DLG2: variants seen among roughly 807,000 people sequenced by gnomAD.
The protein encoded by DLG2 is discs large MAGUK scaffold protein 2.
Under a neutral mutation model 132.5 loss-of-function variants are expected in DLG2, and 45 were observed. The observed-to-expected ratio is 0.34, with a 90% CI of 0.27 to 0.44. DLG2 has a LOEUF of 0.44. Among genes scored for constraint, DLG2 ranks in the 20% least tolerant of loss-of-function variants. DLG2 has a pLI of 1.00. For missense variants in DLG2, 1,045 were observed against 1,196.9 expected, an observed-to-expected ratio of 0.87 and a Z score of 1.87; for synonymous variants, 424 against 419.6, an observed-to-expected ratio of 1.01 and a Z score of -0.13.
chr11:84,363,247 T>G (rs1341875573), intron 7 of DLG2, among the ~76,000 whole-genome samples: 3 of 152,094 alleles, frequency 2.0e-5, no homozygotes, highest in Non-Finnish European at 4.4e-5. Context: ...GATTTGCATT[T>G]CTCTGATAGC....
At chr11:83,559,132 A>T (rs1167385337) in intron 19 of DLG2, among the ~76,000 whole-genome samples, 2 of 152,106 alleles carry the variant, frequency 1.3e-5, no homozygotes, top group Non-Finnish European at 2.9e-5. Flanking sequence ...CCAAAGAAAG[A>T]TGAAAATAAA....
chr11:84,456,099 C>T (rs1347929115), intron 7 of DLG2, among the ~76,000 whole-genome samples: 2 of 151,304 alleles, frequency 1.3e-5, no homozygotes, highest in Non-Finnish European at 3.0e-5. Context: ...TGTTGACAAT[C>T]TTATGGTGAC....
chr11:84,548,954 C>T (rs534722474), intron 6 of DLG2, among the ~76,000 whole-genome samples: 1 of 152,124 alleles, frequency 6.6e-6, no homozygotes, highest in Non-Finnish European at 1.5e-5. Context: ...ACATATATTT[C>T]TTTGAGGAAT....
intron 9 of DLG2, among the ~76,000 whole-genome samples, chr11:84,149,396 T>C (rs1374867824): frequency 1.3e-5 from 2 of 152,146 alleles, no homozygotes; most frequent in African/African-American, 2.4e-5. Context: ...ATTTTGTATA[T>C]GATAAAAGGT....
chr11:84,094,982 C>T (rs17146788), intron 10 of DLG2, among the ~76,000 whole-genome samples: 2,761 of 151,856 alleles, frequency 0.018, 70 homozygotes, highest in African/African-American at 0.056. Context: ...ACATTATAAA[C>T]TTGAGAATAG....
At chr11:83,600,208 A>G (rs933862975) in intron 19 of DLG2, among the ~76,000 whole-genome samples, 3 of 151,080 alleles carry the variant, frequency 2.0e-5, no homozygotes, top group Admixed American at 6.6e-5. Flanking sequence ...AAGATGAGGA[A>G]AAGATGAGTT....
chr11:85,514,795 G>T (rs531791659), intron 3 of DLG2, among the ~76,000 whole-genome samples: 3 of 151,950 alleles, frequency 2.0e-5, no homozygotes, highest in Admixed American at 1.3e-4. Flanking sequence ...CTGAGTTTCA[G>T]GAAGGAGTCA....
intron 3 of DLG2, among the ~76,000 whole-genome samples, chr11:85,479,453 A>G (rs80023956): frequency 0.092 from 14,006 of 152,280 alleles, 1,036 homozygotes; most frequent in Non-Finnish European, 0.12. Context: ...TTGGAGATTA[A>G]GTTTCAACAT....
chr11:83,776,992 G>A (rs1181930744), intron 18 of DLG2, among the ~76,000 whole-genome samples: 1 of 152,140 alleles, frequency 6.6e-6, no homozygotes, highest in Non-Finnish European at 1.5e-5. Flanking sequence ...TAATTCGTTA[G>A]TGTGATTTTA....
At chr11:83,965,877 T>C (rs1462499232) in intron 12 of DLG2, among the ~76,000 whole-genome samples, 1 of 152,036 alleles carries the variant, frequency 6.6e-6, no homozygotes, top group Non-Finnish European at 1.5e-5. Flanking sequence ...TTGACTTTAT[T>C]ATACACATTG....
chr11:85,277,085 G>C (rs546255064), intron 4 of DLG2, among the ~76,000 whole-genome samples: 5 of 152,130 alleles, frequency 3.3e-5, no homozygotes, highest in Admixed American at 6.5e-5. Context: ...GAATGAACAA[G>C]AACAAGGCTT....
chr11:84,478,228 G>A (rs1313819555), intron 7 of DLG2, among the ~76,000 whole-genome samples: 3 of 152,116 alleles, frequency 2.0e-5, no homozygotes, highest in Admixed American at 6.6e-5. Flanking sequence ...TAATAGCAAT[G>A]CCTGTTAGAG....
chr11:84,257,017 G>A (rs2097483348), intron 7 of DLG2, among the ~76,000 whole-genome samples: 1 of 152,160 alleles, frequency 6.6e-6, no homozygotes, highest in Non-Finnish European at 1.5e-5. Flanking sequence ...GTAGAATATT[G>A]GGGTTACTAT....
intron 6 of DLG2, among the ~76,000 whole-genome samples, chr11:84,922,860 A>G (rs1215063817): frequency 6.9e-6 from 1 of 145,552 alleles, no homozygotes; most frequent in African/African-American, 2.5e-5. Context: ...CCTGAATTAC[A>G]AACAGTTAAA....
At chr11:84,927,571 G>C (rs186784576) in intron 6 of DLG2, among the ~76,000 whole-genome samples, 97 of 152,032 alleles carry the variant, frequency 6.4e-4, no homozygotes, top group Non-Finnish European at 1.1e-3. Flanking sequence ...TAAGCCATAC[G>C]ATCTGTCACA....
intron 6 of DLG2, among the ~76,000 whole-genome samples, chr11:84,598,013 T>C (rs2099567871): frequency 6.6e-6 from 1 of 152,224 alleles, no homozygotes; most frequent in Admixed American, 6.5e-5. Context: ...ATAAGGTAAC[T>C]ATTACTGTGC....
chr11:85,232,834 G>A (rs2075371918), intron 4 of DLG2, among the ~76,000 whole-genome samples: 1 of 151,918 alleles, frequency 6.6e-6, no homozygotes, highest in Admixed American at 6.6e-5. Flanking sequence ...AAGACAGGAA[G>A]CCCTGTCACA....
intron 3 of DLG2, among the ~76,000 whole-genome samples, chr11:85,562,312 T>C (rs1162654974): frequency 6.6e-6 from 1 of 151,788 alleles, no homozygotes; most frequent in East Asian, 1.9e-4. Flanking sequence ...TTTAAATTAT[T>C]ATTTAATTTA....
intron 3 of DLG2, among the ~76,000 whole-genome samples, chr11:85,457,619 G>A (rs1263694958): frequency 6.6e-6 from 1 of 152,142 alleles, no homozygotes; most frequent in Non-Finnish European, 1.5e-5. Flanking sequence ...AGGACCTATT[G>A]TAAAGCAGCA....
Sources: allele counts gnomAD v4.1 joint callset (sites outside exome capture counted in the v4.1 genomes callset), GRCh38; gene constraint gnomAD v4.1.1; transcripts MANE v1.5; gene names NCBI Gene and HGNC (gene_info 2026-07-23, HGNC 2026-07-21).